The following ACSF3 variants were observed in gnomAD, a reference collection of about 807,000 sequenced individuals.
ACSF3 encodes acyl-CoA synthetase family member 3, also known as malonate--CoA ligase ACSF3, mitochondrial.
ACSF3 carries 78 observed loss-of-function variants against 53.2 expected under a neutral mutation model. The observed-to-expected ratio is 1.47, with a 90% CI of 1.22 to 1.77. The LOEUF (loss-of-function observed/expected upper bound fraction) is 1.77. Among genes scored for constraint, ACSF3 ranks in the 40% most tolerant of loss-of-function variants. ACSF3 has a pLI of 0.00. For missense variants in ACSF3, 937 were observed against 771.1 expected (o/e 1.22, Z -2.55); for synonymous variants, 414 against 333.1 (o/e 1.24, Z -2.65).
chr16:89,112,794 C>T (rs775085068), intron 5 of ACSF3, among the ~76,000 whole-genome samples: 1 of 152,242 alleles, frequency 6.6e-6, no homozygotes, highest in Admixed American at 6.5e-5. Flanking sequence ...GTGAGCTGAC[C>T]CGCTTGCTCC....
chr16:89,151,161 A>G, intron 10 of ACSF3: 3 of 658,296 alleles, frequency 4.6e-6, no homozygotes, highest in Non-Finnish European at 4.9e-6. Context: ...CAGTGAAGTC[A>G]GCAGTTCAGA....
chr16:89,114,788 T>G (rs372793821), intron 6 of ACSF3: 4 of 454,300 alleles, frequency 8.8e-6, no homozygotes, highest in African/African-American at 7.9e-5. Context: ...CGTCAGTGCA[T>G]GTCTCAGAGG....
rs200661983 is a variant in ACSF3, at chr16:89,145,292, C to A, written c.1392C>A (p.Gly464=). The A allele has an allele frequency of 3.7e-6, 6 of 1,614,082 alleles. No homozygotes were observed. In the African/African-American group the frequency reaches 5.3e-5, roughly 14 times the overall value. ...KTGDTVVFKD[G]QYWIRGRTSV... is the part of the protein sequence containing the mutation. Reference sequence around the variant, plus strand: ...GGGACACCGTGGTGTTTAAGGATGGCCAGTACTGGATCCGAGGCCGGACCT... The same window carrying A: ...GGGACACCGTGGTGTTTAAGGATGGACAGTACTGGATCCGAGGCCGGACCT... Residue 464 remains glycine (G), a synonymous_variant, in exon 9 of 11, where the codon GGC becomes GGA. Coordinates refer to ENST00000614302, the MANE Select transcript of ACSF3 (RefSeq NM_001243279.3).
At position 89,095,460 on chromosome 16, in the gene ACSF3, G is replaced by A. The variant is rs137899491; in HGVS notation, c.-194+1464G>A. ...GTCTGTTACTTAAAAATGTAATTTTGAAAATAACCCTCCAAACCACAGGTG... is the reference window on the plus strand; with the variant it reads ...GTCTGTTACTTAAAAATGTAATTTTAAAAATAACCCTCCAAACCACAGGTG... On this transcript the variant is annotated intron_variant, in intron 1 of 10. Coordinates refer to ENST00000614302, the MANE Select transcript of ACSF3 (RefSeq NM_001243279.3). Among the ~76,000 whole-genome samples, 573 of 152,132 alleles carry A rather than the reference G, an allele frequency of 3.8e-3. 1 individual carries two copies. The highest frequency in any genetic ancestry group is 0.033 in the South Asian group (161 of 4,822).
intron 5 of ACSF3, 188 bp from the exon 6 acceptor site, chr16:89,114,151 C>A: frequency 4.1e-6 from 3 of 723,492 alleles, no homozygotes; most frequent in Non-Finnish European, 7.2e-6. Flanking sequence ...CACGCCGTAG[C>A]GCAGACTGCA....
intron 10 of ACSF3, chr16:89,151,213 T>G (rs571348624): frequency 6.4e-6 from 3 of 471,888 alleles, no homozygotes; most frequent in South Asian, 4.6e-5. Context: ...TTGCCAAGAC[T>G]GACGCAAACA....
chr16:89,132,936 C>T (rs919556614), intron 7 of ACSF3, among the ~76,000 whole-genome samples, 200 bp from the exon 8 acceptor site: 4 of 152,248 alleles, frequency 2.6e-5, no homozygotes, highest in Admixed American at 6.5e-5. Flanking sequence ...CAGAGGACGG[C>T]GGGAATGCTT....
At chr16:89,140,916 G>A (rs1343624047) in intron 8 of ACSF3, 1 of 440,404 alleles carries the variant, frequency 2.3e-6, no homozygotes, top group Non-Finnish European at 3.8e-6. Context: ...CATTGTATCT[G>A]TCAGAAGAAA....
At chr16:89,120,731 C>A in intron 6 of ACSF3, 70 bp from the exon 7 acceptor site, 1 of 1,450,294 alleles carries the variant, frequency 6.9e-7, no homozygotes, top group Non-Finnish European at 9.7e-7. Context: ...GATCCGAGCT[C>A]AGTGTGTGCT....
chr16:89,114,123 G>A (rs774340531), intron 5 of ACSF3: 85 of 636,654 alleles, frequency 1.3e-4, no homozygotes, highest in Non-Finnish European at 2.1e-4. Context: ...CCAACAGATC[G>A]TTTTCAAAAA....
intron 6 of ACSF3, among the ~76,000 whole-genome samples, chr16:89,116,794 T>G (rs1232541151): frequency 6.6e-6 from 1 of 152,102 alleles, no homozygotes; most frequent in Non-Finnish European, 1.5e-5. Flanking sequence ...CCCGCGTTAG[T>G]CTCAGACCCC....
chr16:89,124,679 CAT>C (rs60453597), intron 7 of ACSF3, among the ~76,000 whole-genome samples: 106,482 of 149,070 alleles, frequency 0.71, 37,908 homozygotes, highest in Middle Eastern at 0.78. Context: ...GCGTGTGTCA[CAT>C]ATGCACACAC....
At chr16:89,132,352 C>G (rs1446421985) in intron 7 of ACSF3, among the ~76,000 whole-genome samples, 1 of 152,228 alleles carries the variant, frequency 6.6e-6, no homozygotes, top group East Asian at 1.9e-4. Context: ...CCTCCCCAGA[C>G]CCTCCTGACC....
chr16:89,107,197 A>G (rs191347595), intron 4 of ACSF3, among the ~76,000 whole-genome samples: 3 of 152,330 alleles, frequency 2.0e-5, no homozygotes, highest in African/African-American at 7.2e-5. Context: ...GTGGCAACAC[A>G]TTGGGATGTG....
At chr16:89,108,730 A>G (rs148092619) in intron 4 of ACSF3, among the ~76,000 whole-genome samples, 66 of 152,360 alleles carry the variant, frequency 4.3e-4, no homozygotes, top group African/African-American at 1.2e-3. Flanking sequence ...CTTGTTCCTG[A>G]ATAGTACTTC....
At position 89,103,613 on chromosome 16, in the gene ACSF3, G is replaced by A. The variant is rs966694000; in HGVS notation, c.822+854G>A. Among the ~76,000 whole-genome samples the A allele has an allele frequency of 7.9e-5, 12 of 152,252 alleles. No individual in the cohort carries two copies. The East Asian group carries it at 2.1e-3, about 27-fold the overall frequency. On this transcript the variant is annotated intron_variant, in intron 4 of 10. Transcript: ENST00000614302. ...CACCACTGCGAGAGGTGACACATTC[G>A]GGGTGTAGGGCGTAGGGCGTGACCC...
chr16:89,099,563 C>T (rs758469153), intron 2 of ACSF3, among the ~76,000 whole-genome samples: 1 of 152,072 alleles, frequency 6.6e-6, no homozygotes, highest in Non-Finnish European at 1.5e-5. Context: ...AGTGGATCAC[C>T]GGAGGTCAGG....
intron 7 of ACSF3, among the ~76,000 whole-genome samples, chr16:89,129,366 T>A (rs1205079744): frequency 6.6e-6 from 1 of 152,238 alleles, no homozygotes; most frequent in Non-Finnish European, 1.5e-5. Context: ...GAATTGACTC[T>A]TATTAACATT....
chr16:89,107,737 G>A (rs562419967), intron 4 of ACSF3, among the ~76,000 whole-genome samples: 7 of 152,284 alleles, frequency 4.6e-5, no homozygotes, highest in South Asian at 2.1e-4. Context: ...TCCCAGTGCC[G>A]GCTCACAGGC....
Sources: allele counts gnomAD v4.1 joint callset (sites outside exome capture counted in the v4.1 genomes callset), GRCh38; gene constraint gnomAD v4.1.1; transcripts MANE v1.5; gene names NCBI Gene and HGNC (gene_info 2026-07-23, HGNC 2026-07-21).